Variants in COL15A1 observed in about 807,000 individuals in gnomAD.
The protein encoded by COL15A1 is collagen type XV alpha 1 chain, also known as collagen alpha-1(XV) chain.
COL15A1 carries 111 observed loss-of-function variants against 165.9 expected under a neutral mutation model. The ratio of observed to expected loss-of-function variants is 0.67; its 90% CI spans 0.57 to 0.78. The LOEUF (loss-of-function observed/expected upper bound fraction) is 0.78. COL15A1 is among the 30% of genes least tolerant of loss of function. The pLI is 0.00. For synonymous variants in COL15A1, 659 were observed against 674.8 expected (o/e 0.98, Z 0.36); for missense variants, 1,745 against 1,789.7 (o/e 0.98, Z 0.45).
At position 99,070,133 on chromosome 9, in the gene COL15A1, A is replaced by T; in HGVS notation, c.*247A>T. On this transcript the variant is annotated 3_prime_UTR_variant, in exon 42 of 42. Coordinates refer to ENST00000375001, the MANE Select transcript of COL15A1 (RefSeq NM_001855.5). ...TCTGCAGGAAACCCCAGCAGTGTGAACGCATCCCAACATAGGTTAAGAGCA... is the reference window on the plus strand; with the variant it reads ...TCTGCAGGAAACCCCAGCAGTGTGATCGCATCCCAACATAGGTTAAGAGCA... The T allele has an allele frequency of 2.4e-6, 1 of 418,884 alleles. No individual in the cohort carries two copies. Among genetic ancestry groups the T allele is most frequent in the Non-Finnish European group, 4.3e-6 (1 of 233,596 alleles). 25.9% of individuals were successfully genotyped at this position (418,884 alleles called of 1,614,324 possible).
At chr9:98,970,991 T>C (rs989172432) in intron 2 of COL15A1, among the ~76,000 whole-genome samples, 2 of 152,102 alleles carry the variant, frequency 1.3e-5, no homozygotes, top group Non-Finnish European at 2.9e-5. Context: ...GAATAACAGA[T>C]TTGTACTGTG....
chr9:99,022,099 T>C lies in COL15A1; in HGVS notation c.1710T>C (p.Ala570=), dbSNP rs1451250551. ...CATTTTGTTCTCTTTAGGGTGATGC[T>C]GGGGAGGAGCTTCCTGGCCCTCCTG... The part of the protein sequence containing the change: ...QAGPKGEKGD[A]GEELPGPPEP... The change falls in exon 13 of 42, where the codon GCT becomes GCC. Residue 570 remains alanine, a synonymous_variant. Transcript: ENST00000375001. 1.2e-6 allele frequency: 2 copies of C among 1,614,054 alleles called. No individual in the cohort carries two copies. The highest frequency in any genetic ancestry group is 2.7e-5 in the African/African-American group (2 of 74,934).
At chr9:98,960,968 T>A (rs1837855786) in intron 2 of COL15A1, among the ~76,000 whole-genome samples, 1 of 152,212 alleles carries the variant, frequency 6.6e-6, no homozygotes, top group Non-Finnish European at 1.5e-5. Context: ...GAGTTTAGAA[T>A]CATTGACCTT....
chr9:98,984,884 G>A (rs560352649), intron 2 of COL15A1, among the ~76,000 whole-genome samples: 69 of 152,252 alleles, frequency 4.5e-4, no homozygotes, highest in African/African-American at 1.5e-3. Context: ...CACCACCTCC[G>A]GGGTTCAAGT....
At chr9:98,988,120 C>T (rs1838348233) in intron 4 of COL15A1, among the ~76,000 whole-genome samples, 1 of 152,216 alleles carries the variant, frequency 6.6e-6, no homozygotes, top group Non-Finnish European at 1.5e-5. Flanking sequence ...TAGCGCATTC[C>T]TGCAATTCCT....
chr9:99,070,178 G>T lies in COL15A1; in HGVS notation c.*292G>T. 3.1e-6 allele frequency: 1 copy of T among 324,430 alleles called. No individual in the cohort carries two copies. Among genetic ancestry groups the T allele is most frequent in the Non-Finnish European group, 5.7e-6 (1 of 175,194 alleles). 20.1% of individuals were successfully genotyped at this position (324,430 alleles called of 1,614,324 possible). A position where few individuals can be genotyped will look rare whatever the true frequency, so the allele number is the denominator to read the frequency against. On this transcript the variant is annotated 3_prime_UTR_variant, in exon 42 of 42. Transcript: ENST00000375001. ...AGAGCAAGTTGAAAACAAAGGCCAT[G>T]GCATTCTGCCACTGCATCCTTCAGA...
chr9:99,048,885 C>T (rs1035926184), intron 28 of COL15A1, among the ~76,000 whole-genome samples: 1 of 152,134 alleles, frequency 6.6e-6, no homozygotes, highest in Non-Finnish European at 1.5e-5. Flanking sequence ...AGCTAATAAT[C>T]CCCAAACCAA....
rs577432956 is a variant in COL15A1 at position 99,032,200 on chromosome 9, T to A, written c.2044-2349T>A. Among the ~76,000 whole-genome samples, 56 of 151,932 alleles carry A rather than the reference T, an allele frequency of 3.7e-4. No individual in the cohort carries two copies. In the South Asian group the frequency reaches 0.011, roughly 31 times the overall value. Reference sequence around the variant, plus strand: ...TTGTTTCTATTTTATTTTTATTTTTTAATTTATTTTTATTTATTTATTATT... The same window carrying A: ...TTGTTTCTATTTTATTTTTATTTTTAAATTTATTTTTATTTATTTATTATT... On this transcript the variant is annotated intron_variant, in intron 16 of 41. Transcript: ENST00000375001.
At chr9:98,988,926 CAAAAAAAT>C (rs1175981755) in intron 4 of COL15A1, among the ~76,000 whole-genome samples, 2 of 151,110 alleles carry the variant, frequency 1.3e-5, no homozygotes, top group South Asian at 2.1e-4. Flanking sequence ...GAACCTGTCT[CAAAAAAAT>C]AAAAAAATAA....
chr9:98,992,448 A>C (rs1233067350), intron 5 of COL15A1, among the ~76,000 whole-genome samples: 3 of 152,154 alleles, frequency 2.0e-5, no homozygotes, highest in Admixed American at 6.5e-5. Context: ...ACTGGCCCGC[A>C]AGCGCTGCAC....
chr9:99,024,143 C>T (rs921839284), intron 14 of COL15A1, among the ~76,000 whole-genome samples: 4 of 152,254 alleles, frequency 2.6e-5, no homozygotes, highest in African/African-American at 9.6e-5. Flanking sequence ...TTCTGGACTC[C>T]GTGGTTAAAT....
chr9:99,052,255 T>A, intron 30 of COL15A1, 133 bp from the exon 31 acceptor site: 1 of 725,586 alleles, frequency 1.4e-6, no homozygotes, highest in Non-Finnish European at 2.5e-6. Context: ...TTTGGGGGAC[T>A]CCAGAGCCAA....
intron 5 of COL15A1, among the ~76,000 whole-genome samples, chr9:98,990,052 A>G (rs1295186484): frequency 1.3e-5 from 2 of 152,160 alleles, no homozygotes; most frequent in Admixed American, 6.5e-5. Context: ...AATCAGGGAG[A>G]TGGAAATTAG....
In COL15A1 at chr9:98,986,089, G is replaced by A. The variant is rs1233698611; in HGVS notation, c.625G>A (p.Ala209Thr). Residue 209 changes from alanine to threonine, a missense_variant, in exon 3 of 42, where the codon GCT (alanine) becomes ACT (threonine). Physicochemically the swap from Ala to Thr is moderately conservative, Grantham distance 58. Coordinates refer to ENST00000375001, the MANE Select transcript of COL15A1 (RefSeq NM_001855.5). ...TGGAATCTTCATGGGCAATGCAGGAGCTACAGGGCTCGAGAGATTCACTGT... is the reference window on the plus strand; with the variant it reads ...TGGAATCTTCATGGGCAATGCAGGAACTACAGGGCTCGAGAGATTCACTGT... ...SAGIFMGNAG[A>T]TGLERFTGSL... The A allele has an allele frequency of 1.9e-6, 3 of 1,613,450 alleles. No homozygotes were observed. Among genetic ancestry groups the A allele is most frequent in the Middle Eastern group, 1.6e-4 (1 of 6,082 alleles).
chr9:98,971,220 G>A (rs987539199), intron 2 of COL15A1, among the ~76,000 whole-genome samples: 1 of 152,140 alleles, frequency 6.6e-6, no homozygotes, highest in Non-Finnish European at 1.5e-5. Flanking sequence ...GCCATGGGCT[G>A]TAGAGCATCC....
rs368416898 is a variant in COL15A1, at chr9:99,049,900, G to A, written c.2904+5G>A. On this transcript the variant is annotated splice_donor_5th_base_variant and intron_variant, in intron 30 of 41. Transcript: ENST00000375001. ...CGACCACACTGCAAAATGCCAGTAA[G>A]TAGCAATCACTGCCTTAAAGAGCAG... The A allele has an allele frequency of 3.7e-6, 6 of 1,614,244 alleles. No individual in the cohort carries two copies. Among genetic ancestry groups the A allele is most frequent in the Non-Finnish European group, 5.1e-6 (6 of 1,180,024 alleles).
At chr9:99,060,429 ATTT>A (rs36003230) in intron 36 of COL15A1, among the ~76,000 whole-genome samples, 35,937 of 129,252 alleles carry the variant, frequency 0.28, 4,991 homozygotes, top group East Asian at 0.55. Flanking sequence ...CACCTGGCTA[ATTT>A]TTTTTTTTTT....
chr9:99,048,028 G>C (rs1323560644), intron 28 of COL15A1, 28 bp downstream of exon 28: 1 of 1,323,586 alleles, frequency 7.6e-7, no homozygotes, highest in Non-Finnish European at 1.1e-6. Context: ...TGGAGCCGGA[G>C]GTTGGTGTCC....
At position 99,069,779 on chromosome 9, in the gene COL15A1, T is replaced by C. The variant is rs1825954963; in HGVS notation, c.4060T>C (p.Ser1354Pro). Residue 1354 changes from serine to proline, a missense_variant, in exon 42 of 42, where the codon TCC (serine) becomes CCC (proline). Coordinates refer to ENST00000375001, the MANE Select transcript of COL15A1 (RefSeq NM_001855.5). ...GGACACAGCGGTCACGGGACTTGCCTCCCCGCTGAGCACGGGGAAGATTCT... is the reference window on the plus strand; with the variant it reads ...GGACACAGCGGTCACGGGACTTGCCCCCCCGCTGAGCACGGGGAAGATTCT... ...TADTAVTGLA[S>P]PLSTGKILDQ... The C allele has an allele frequency of 6.2e-7, 1 of 1,614,086 alleles. No homozygotes were observed. The highest frequency in any genetic ancestry group is 8.5e-7 in the Non-Finnish European group (1 of 1,180,036).
Sources: allele counts gnomAD v4.1 joint callset (sites outside exome capture counted in the v4.1 genomes callset), GRCh38; gene constraint gnomAD v4.1.1; transcripts MANE v1.5; gene names NCBI Gene and HGNC (gene_info 2026-07-23, HGNC 2026-07-21).